The following DNAH17 variants were observed in gnomAD, a reference collection of about 807,000 sequenced individuals.
DNAH17 encodes the protein axonemal beta dynein heavy chain 17.
DNAH17 carries 376 observed loss-of-function variants against 485.6 expected under a neutral mutation model. The ratio of observed to expected loss-of-function variants is 0.77; its 90% CI spans 0.71 to 0.84. DNAH17 has a LOEUF of 0.84. Ranked by LOEUF, DNAH17 falls within the 40% of genes least tolerant of loss-of-function variation. The pLI is 0.00. For missense variants in DNAH17, 6,370 were observed against 5,839.3 expected, an observed-to-expected ratio of 1.09 and a Z score of -2.96; for synonymous variants, 3,031 against 2,405.9, an observed-to-expected ratio of 1.26 and a Z score of -7.60.
chr17:78,546,295 TGTCA>T (rs972844148), intron 16 of DNAH17, among the ~76,000 whole-genome samples: 5 of 152,260 alleles, frequency 3.3e-5, no homozygotes, highest in African/African-American at 7.2e-5. Context: ...TTCACCTACT[TGTCA>T]ATCATTTTAT....
At chr17:78,561,655 C>CT in intron 12 of DNAH17, 60 bp downstream of exon 12, 1 of 1,522,068 alleles carries the variant, frequency 6.6e-7, no homozygotes, top group Non-Finnish European at 8.8e-7. Flanking sequence ...GGGACAGTCC[C>CT]TCTCGCTCTC....
intron 26 of DNAH17, among the ~76,000 whole-genome samples, chr17:78,514,459 C>T (rs536251813): frequency 9.0e-5 from 13 of 145,166 alleles, no homozygotes; most frequent in Admixed American, 2.1e-4. Context: ...GAGCCAAGAT[C>T]GCGCCACTGC....
intron 55 of DNAH17, among the ~76,000 whole-genome samples, chr17:78,468,391 G>T (rs760752266): frequency 6.6e-6 from 1 of 152,028 alleles, no homozygotes; most frequent in Non-Finnish European, 1.5e-5. Flanking sequence ...ACCAAAGGAC[G>T]ACTGTAAAAC....
intron 44 of DNAH17, among the ~76,000 whole-genome samples, chr17:78,487,422 C>T (rs565014565): frequency 6.6e-6 from 1 of 152,328 alleles, no homozygotes; most frequent in South Asian, 2.1e-4. Flanking sequence ...TGCCAGTGAG[C>T]TCAGCACGTG....
intron 16 of DNAH17, among the ~76,000 whole-genome samples, chr17:78,548,851 TG>T (rs1204451872): frequency 6.6e-6 from 1 of 152,260 alleles, no homozygotes; most frequent in African/African-American, 2.4e-5. Flanking sequence ...TGAGGGCATG[TG>T]CCTGGGAGCC....
intron 47 of DNAH17, 67 bp from the exon 48 acceptor site, chr17:78,485,100 G>A (rs2089539607): frequency 2.0e-6 from 3 of 1,490,986 alleles, no homozygotes; most frequent in East Asian, 2.4e-5. Context: ...GGTAGGGAGG[G>A]GCGCTACCTG....
Position 78,461,634 on chromosome 17 carries a change from C to T in DNAH17, c.9249G>A (p.Leu3083=). Residue 3083 remains leucine (L), a synonymous_variant, in exon 58 of 81, where the codon CTG becomes CTA. Transcript: ENST00000389840. ...LKQKNESADQ[L]IQVVGIEAEK... ...CGGCCTCGATGCCGACCACCTGGAT[C>T]AGTTGGTCTGCGCTCTCATTCTTCT... 2 of 1,611,784 alleles carry T rather than the reference C, an allele frequency of 1.2e-6. No homozygotes were observed. The highest frequency in any genetic ancestry group is 1.7e-6 in the Non-Finnish European group (2 of 1,179,236).
intron 31 of DNAH17, among the ~76,000 whole-genome samples, chr17:78,504,894 C>CTTTTT (rs66596656): frequency 3.1e-4 from 18 of 58,936 alleles, no homozygotes; most frequent in African/African-American, 9.9e-4. Flanking sequence ...ATTAACAGGG[C>CTTTTT]TTTTTTTTTT....
intron 77 of DNAH17, among the ~76,000 whole-genome samples, chr17:78,427,774 C>G (rs2086527157): frequency 6.6e-6 from 1 of 152,118 alleles, no homozygotes; most frequent in Non-Finnish European, 1.5e-5. Context: ...GAGTTCAAAA[C>G]CAGCCTGGCC....
At chr17:78,532,868 C>T in intron 19 of DNAH17, 132 bp from the exon 20 acceptor site, 1 of 1,119,788 alleles carries the variant, frequency 8.9e-7, no homozygotes, top group Admixed American at 2.8e-5. Flanking sequence ...ATGACCTGCT[C>T]TTTTTCCAGC....
chr17:78,502,046 C>A (rs970363541), intron 33 of DNAH17, 173 bp from the exon 34 acceptor site: 5 of 864,558 alleles, frequency 5.8e-6, no homozygotes, highest in Middle Eastern at 2.3e-4. Flanking sequence ...CACCAGGGTG[C>A]GGCCCTGATG....
rs538126478 is a variant in DNAH17, at chr17:78,572,651, T to C, written c.539+50A>G. 62 of 1,494,246 alleles carry C rather than the reference T, an allele frequency of 4.1e-5. No individual in the cohort carries two copies. In the African/African-American group the frequency reaches 7.7e-4, roughly 19 times the overall value. 92.6% of individuals were successfully genotyped at this position (1,494,246 alleles called of 1,614,324 possible). On this transcript the variant is annotated intron_variant, in intron 3 of 80. Coordinates refer to ENST00000389840, the MANE Select transcript of DNAH17 (RefSeq NM_173628.4). ...TGGGGTGGGGGGTGGGGGTCAAGCA[T>C]GTGCCTCTTCCCCACCCAGCGGCAG...
At chr17:78,508,025 A>C (rs887543546) in intron 27 of DNAH17, among the ~76,000 whole-genome samples, 1 of 152,218 alleles carries the variant, frequency 6.6e-6, no homozygotes, top group Non-Finnish European at 1.5e-5. Flanking sequence ...ATAAGCCACT[A>C]AAGGAATGAA....
intron 67 of DNAH17, 109 bp downstream of exon 67, chr17:78,450,573 T>A: frequency 6.9e-7 from 1 of 1,448,738 alleles, no homozygotes; most frequent in Non-Finnish European, 9.3e-7. Flanking sequence ...CTCGGGCACG[T>A]ATGACCGAAG....
At chr17:78,460,971 G>A (rs74506987) in intron 58 of DNAH17, among the ~76,000 whole-genome samples, 2 of 152,122 alleles carry the variant, frequency 1.3e-5, no homozygotes, top group Admixed American at 1.3e-4. Context: ...AAAGCACCCA[G>A]GGAGGGGTCA....
chr17:78,569,891 C>CT (rs374099528), intron 7 of DNAH17, among the ~76,000 whole-genome samples: 285 of 152,244 alleles, frequency 1.9e-3, no homozygotes, highest in African/African-American at 6.0e-3. Flanking sequence ...CTAGCAGGTG[C>CT]TTATGAATGG....
rs898582403 is a variant in DNAH17 at position 78,574,762 on chromosome 17, C to T, written c.296G>A (p.Gly99Asp). Residue 99 changes from glycine (G) to aspartate (D), a missense_variant, in exon 2 of 81, where the codon GGC becomes GAC. Transcript: ENST00000389840. ...KDNYRARLLY[G>D]DISPTPVDQL... is the part of the protein sequence containing the mutation. The stretch of plus-strand genomic sequence containing the variant: ...GTCCACGGGTGTGGGGCTGATGTCG[C>T]CGTAAAGGAGCCGGGCCCTGTAGTT... 6.2e-7 allele frequency: 1 copy of T among 1,613,628 alleles called. No individual in the cohort carries two copies. The highest frequency in any genetic ancestry group is 1.3e-5 in the African/African-American group (1 of 74,912).
Position 78,530,478 on chromosome 17 carries a change from G to A in DNAH17, c.3149C>T (p.Ser1050Phe). Residue 1050 changes from serine to phenylalanine, a missense_variant, in exon 21 of 81, where the codon TCC (serine) becomes TTC (phenylalanine). Transcript: ENST00000389840. ...GAACACCTTGGTGTTCTCGCACTTG[G>A]ACACCTCCTCATACAGCTTCTCGTA... ...DSYEKLYEEVSKCENTKVFHG... is the reference protein window; with the variant it reads ...DSYEKLYEEVFKCENTKVFHG... The A allele has an allele frequency of 6.2e-7, 1 of 1,612,776 alleles. No homozygotes were observed.
intron 17 of DNAH17, among the ~76,000 whole-genome samples, chr17:78,540,101 A>G (rs1407247233): frequency 6.6e-6 from 1 of 152,076 alleles, no homozygotes. Context: ...TTTTGATTTC[A>G]GCTCAAATGT....
Sources: allele counts gnomAD v4.1 joint callset (sites outside exome capture counted in the v4.1 genomes callset), GRCh38; gene constraint gnomAD v4.1.1; transcripts MANE v1.5; gene names NCBI Gene and HGNC (gene_info 2026-07-23, HGNC 2026-07-21).